Variants in DPP3 observed in about 807,000 individuals in gnomAD.
DPP3 encodes the protein dipeptidyl peptidase 3, also known as DPP III.
A neutral mutation model predicts 89.8 loss-of-function variants in DPP3; 64 were observed. The ratio of observed to expected loss-of-function variants is 0.71; its 90% confidence interval spans 0.58 to 0.88. The LOEUF (loss-of-function observed/expected upper bound fraction) is 0.88. Among genes scored for constraint, DPP3 ranks in the 40% least tolerant of loss-of-function variants. The pLI is 0.00. For synonymous variants in DPP3, 377 were observed against 404.3 expected, an observed-to-expected ratio of 0.93 and a Z score of 0.81; for missense variants, 835 against 972.5, an observed-to-expected ratio of 0.86 and a Z score of 1.88.
At chr11:66,505,339 A>C (rs1026433612) in intron 17 of DPP3, among the ~76,000 whole-genome samples, 1 of 152,114 alleles carries the variant, frequency 6.6e-6, no homozygotes, top group Non-Finnish European at 1.5e-5. Flanking sequence ...CCCTTGACTC[A>C]TCTTTCCTGC....
At chr11:66,494,203 A>G (rs1310734786) in intron 12 of DPP3, among the ~76,000 whole-genome samples, 3 of 152,144 alleles carry the variant, frequency 2.0e-5, no homozygotes, top group Non-Finnish European at 4.4e-5. Flanking sequence ...TACCCAGGGA[A>G]TATGGAAACA....
At chr11:66,490,132 A>C (rs1232264560) in intron 6 of DPP3, among the ~76,000 whole-genome samples, 1 of 145,350 alleles carries the variant, frequency 6.9e-6, no homozygotes. Context: ...GGGCAACCTT[A>C]CAAGATCCTA....
At chr11:66,495,058 T>C in intron 12 of DPP3, 148 bp from the exon 13 acceptor site, 2 of 1,095,204 alleles carry the variant, frequency 1.8e-6, no homozygotes, top group Admixed American at 3.7e-5. Context: ...TGTGCAGGCG[T>C]CAGTGTGTGG....
intron 9 of DPP3, 58 bp from the exon 10 acceptor site, chr11:66,492,658 G>T (rs1371389983): frequency 7.2e-5 from 109 of 1,522,890 alleles, no homozygotes; most frequent in Non-Finnish European, 8.8e-5. Flanking sequence ...CTGGAGTAGG[G>T]TGAAGTGGGA....
chr11:66,489,627 T>C (rs1855322507), intron 6 of DPP3, among the ~76,000 whole-genome samples: 1 of 152,232 alleles, frequency 6.6e-6, no homozygotes, highest in Admixed American at 6.5e-5. Flanking sequence ...TCCGCAAATT[T>C]AGTGATACAA....
chr11:66,481,778 G>A (rs930800583), intron 1 of DPP3, among the ~76,000 whole-genome samples: 15 of 151,972 alleles, frequency 9.9e-5, no homozygotes, highest in Non-Finnish European at 2.1e-4. Flanking sequence ...CTTCCCAGTA[G>A]CTGAGATTAC....
Position 66,509,438 on chromosome 11 carries a change from C to T in DPP3, c.*187C>T. 3 of 1,525,766 alleles carry T rather than the reference C, an allele frequency of 2.0e-6. No homozygotes were observed. Among genetic ancestry groups the T allele is most frequent in the Middle Eastern group, 1.7e-4 (1 of 5,972 alleles). 94.5% of individuals were successfully genotyped at this position (1,525,766 alleles called of 1,614,324 possible). A position where few individuals can be genotyped will look rare whatever the true frequency, so the allele number is the denominator to read the frequency against. ...CTTTCCAGCCTGCCAATTGCTTCCC[C>T]TCTGTGATCTCATTTCATCTGCACT... On this transcript the variant is annotated 3_prime_UTR_variant, in exon 18 of 18. Coordinates refer to ENST00000531863, the MANE Select transcript of DPP3 (RefSeq NM_130443.4).
intron 15 of DPP3, among the ~76,000 whole-genome samples, chr11:66,496,394 A>G (rs1173763707): frequency 6.7e-6 from 1 of 149,464 alleles, no homozygotes; most frequent in African/African-American, 2.5e-5. Flanking sequence ...TAGGCGCACC[A>G]CCACACCCGG....
chr11:66,496,938 G>T (rs374945768), intron 15 of DPP3, among the ~76,000 whole-genome samples: 1 of 152,158 alleles, frequency 6.6e-6, no homozygotes, highest in Admixed American at 6.5e-5. Context: ...GGTTGTGGAG[G>T]AGAAAGTGTT....
At chr11:66,484,502 A>G (rs192012384) in intron 2 of DPP3, among the ~76,000 whole-genome samples, 1 of 151,938 alleles carries the variant, frequency 6.6e-6, no homozygotes, top group East Asian at 1.9e-4. Context: ...AGGCCTGATG[A>G]TCCCTGGTGT....
In DPP3 at chr11:66,491,304, G is replaced by A. The variant is rs749772984; in HGVS notation, c.719G>A (p.Arg240Gln). 8.7e-6 allele frequency: 14 copies of A among 1,613,828 alleles called. No homozygotes were observed. The highest frequency in any genetic ancestry group is 6.7e-5 in the African/African-American group (5 of 74,912). The change falls in exon 7 of 18, where the codon CGG becomes CAG. Residue 240 changes from arginine (R) to glutamine (Q), a missense_variant. Physicochemically the swap from Arg to Gln is conservative, Grantham distance 43. Coordinates refer to ENST00000531863, the MANE Select transcript of DPP3 (RefSeq NM_130443.4). ...VTSKLKSYEF[R>Q]GSPFQVTRGD... is the part of the protein sequence containing the mutation. Reference sequence around the variant, plus strand: ...TCCAAGCTGAAGAGCTATGAATTCCGGGGAAGCCCTTTCCAGGTGACCCGG... The same window carrying A: ...TCCAAGCTGAAGAGCTATGAATTCCAGGGAAGCCCTTTCCAGGTGACCCGG...
At chr11:66,508,523 T>TTTAG (rs1342000377) in intron 17 of DPP3, among the ~76,000 whole-genome samples, 2 of 152,018 alleles carry the variant, frequency 1.3e-5, no homozygotes, top group African/African-American at 2.4e-5. Context: ...TTATTATTTA[T>TTTAG]TTATTTATTT....
Position 66,493,410 on chromosome 11 carries a change from G to T in DPP3, c.1297-131G>T, listed in dbSNP as rs1441760240. 25 of 949,472 alleles carry T rather than the reference G, an allele frequency of 2.6e-5. No individual in the cohort carries two copies. The East Asian group carries it at 6.3e-4, about 24-fold the overall frequency. The allele number at this position is 949,472 out of a possible 1,614,324, so 58.8% of individuals were successfully genotyped here. ...TGTTGCAAGGATGAAATGGGCTGTG[G>T]GGTGGAGCACAGTTGGCCTTTACCA... On this transcript the variant is annotated intron_variant, in intron 11 of 17. Transcript: ENST00000531863.
chr11:66,497,157 G>T, intron 15 of DPP3, 141 bp from the exon 16 acceptor site: 1 of 1,031,216 alleles, frequency 9.7e-7, no homozygotes, highest in Non-Finnish European at 1.4e-6. Flanking sequence ...CAGGGTTGGG[G>T]AGAATGACAA....
At position 66,491,701 on chromosome 11, in the gene DPP3, C is replaced by T; in HGVS notation, c.933C>T (p.Tyr311=). Residue 311 remains tyrosine (Y), a synonymous_variant, in exon 9 of 18, where the codon TAC becomes TAT. Transcript: ENST00000531863. ...IQDKGPIVES[Y]IGFIESYRDP... ...CCTCTGCCCTTCTCTCCCCCAGTTA[C>T]ATCGGGTTCATCGAGAGCTACCGCG... 6.2e-7 allele frequency: 1 copy of T among 1,612,302 alleles called. No homozygotes were observed. The highest frequency in any genetic ancestry group is 1.1e-5 in the South Asian group (1 of 91,002).
At chr11:66,502,672 G>C (rs1258530073) in intron 16 of DPP3, among the ~76,000 whole-genome samples, 1 of 152,126 alleles carries the variant, frequency 6.6e-6, no homozygotes, top group East Asian at 1.9e-4. Context: ...CCCCATGTTA[G>C]CCAGGATGGT....
Position 66,490,799 on chromosome 11 carries a change from C to T in DPP3, c.668-454C>T, listed in dbSNP as rs184600613. Reference sequence around the variant, plus strand: ...TTTTTTTTTTTTTGAGATGGAGTCTCTTCTCTGTTGCCCAGGCTGGAGTGC... The same window carrying T: ...TTTTTTTTTTTTTGAGATGGAGTCTTTTCTCTGTTGCCCAGGCTGGAGTGC... On this transcript the variant is annotated intron_variant, in intron 6 of 17. Coordinates refer to ENST00000531863, the MANE Select transcript of DPP3 (RefSeq NM_130443.4). Among the ~76,000 whole-genome samples, 5 of 142,594 alleles carry T rather than the reference C, an allele frequency of 3.5e-5. 1 individual carries two copies. The Admixed American group carries it at 3.5e-4, about 10-fold the overall frequency. The allele number at this position is 142,594 out of a possible 152,430, so 93.5% of individuals were successfully genotyped here. A position where few individuals can be genotyped will look rare whatever the true frequency, so the allele number is the denominator to read the frequency against.
chr11:66,485,309 G>C, intron 3 of DPP3, 47 bp downstream of exon 3: 1 of 1,573,538 alleles, frequency 6.4e-7, no homozygotes, highest in Non-Finnish European at 8.7e-7. Context: ...GGGCTGGTGG[G>C]GTAGAGATGG....
At chr11:66,506,918 C>A (rs1425983102) in intron 17 of DPP3, among the ~76,000 whole-genome samples, 1 of 151,908 alleles carries the variant, frequency 6.6e-6, no homozygotes, top group Non-Finnish European at 1.5e-5. Context: ...TTCTAGCGCC[C>A]ATCACGCTTG....
Sources: gnomAD v4.1 joint callset for allele counts (sites outside exome capture counted in the v4.1 genomes callset) on GRCh38, gnomAD v4.1.1 for gene constraint, MANE v1.5 for transcripts, NCBI Gene and HGNC (gene_info 2026-07-23, HGNC 2026-07-21) for gene names.